Variants in CFAP53 observed in about 807,000 individuals in gnomAD.
The protein encoded by CFAP53 is cilia- and flagella-associated protein 53.
A neutral mutation model predicts 59.7 loss-of-function variants in CFAP53; 62 were observed. The ratio of observed to expected loss-of-function variants is 1.04; its 90% CI spans 0.85 to 1.28. The LOEUF (loss-of-function observed/expected upper bound fraction) is 1.28, where lower values mean the gene tolerates loss of function less well. Ranked by LOEUF, CFAP53 falls within the 50% of genes most tolerant of loss-of-function variation. The pLI is 0.00. For synonymous variants in CFAP53, 218 were observed against 205.7 expected, an observed-to-expected ratio of 1.06 and a Z score of -0.51; for missense variants, 629 against 615.6, an observed-to-expected ratio of 1.02 and a Z score of -0.23.
chr18:50,250,200 CA>C (rs2033783777), intron 5 of CFAP53, among the ~76,000 whole-genome samples: 4 of 46,984 alleles, frequency 8.5e-5, no homozygotes, highest in African/African-American at 2.4e-4. Flanking sequence ...GCCTGGGTTA[CA>C]GCGTGAGACC....
At chr18:50,240,342 C>CCTCA (rs2033679108) in intron 6 of CFAP53, among the ~76,000 whole-genome samples, 1 of 152,210 alleles carries the variant, frequency 6.6e-6, no homozygotes, top group South Asian at 2.1e-4. Flanking sequence ...TTCCAATTAC[C>CCTCA]TGCTCTGCCC....
intron 5 of CFAP53, among the ~76,000 whole-genome samples, chr18:50,247,325 G>C (rs1474580942): frequency 6.6e-6 from 1 of 152,024 alleles, no homozygotes; most frequent in Non-Finnish European, 1.5e-5. Context: ...GTGAGCATGT[G>C]GATAAATCAA....
At chr18:50,240,688 C>T (rs1345195712) in intron 6 of CFAP53, among the ~76,000 whole-genome samples, 1 of 152,216 alleles carries the variant, frequency 6.6e-6, no homozygotes, top group Non-Finnish European at 1.5e-5. Flanking sequence ...ATATAAAAAT[C>T]TTTTCAGCAT....
chr18:50,261,138 T>A lies in CFAP53; in HGVS notation c.399A>T (p.Lys133Asn), dbSNP rs199822464. 5.9e-5 allele frequency: 94 copies of A among 1,599,460 alleles called. No homozygotes were observed. The highest frequency in any genetic ancestry group is 2.4e-4 in the South Asian group (21 of 86,278). ...CATTCTTCTCTTTTAGTAATTTAGT[T>A]TTCTCTCTCATCCTATCTTTTTTCT... ...IEEKKDRMRE[K>N]TKLLKEKNEK... Residue 133 changes from lysine (K) to asparagine (N), a missense_variant, in exon 3 of 8, where the codon AAA becomes AAT. Coordinates refer to ENST00000398545, the MANE Select transcript of CFAP53 (RefSeq NM_145020.5).
At position 50,243,055 on chromosome 18, in the gene CFAP53, T is replaced by C. The variant is rs768060197; in HGVS notation, c.1058A>G (p.Glu353Gly). The change falls in exon 6 of 8, where the codon GAA (glutamate) becomes GGA (glycine). Residue 353 changes from glutamate to glycine, a missense_variant. Glu to Gly is a moderately conservative substitution (Grantham distance 98). Transcript: ENST00000398545. ...GTCAAATTCTTTCTCCTGAGCTTTT[T>C]CTTCCTCACGTCTCTGTGCCAAATA... ...HKYLAQRREE[E>G]KAQEKEFDRI... 3.1e-6 allele frequency: 5 copies of C among 1,613,890 alleles called. No individual in the cohort carries two copies. The highest frequency in any genetic ancestry group is 2.2e-5 in the South Asian group (2 of 91,086).
chr18:50,230,935 T>C (rs2033577986), intron 7 of CFAP53, among the ~76,000 whole-genome samples: 1 of 152,178 alleles, frequency 6.6e-6, no homozygotes, highest in African/African-American at 2.4e-5. Context: ...CCTCCCCATA[T>C]GTGTATCCTA....
chr18:50,262,750 A>G (rs1400124639), intron 1 of CFAP53, among the ~76,000 whole-genome samples: 6 of 152,172 alleles, frequency 3.9e-5, no homozygotes, highest in Admixed American at 3.3e-4. Context: ...GTGTGTGTGT[A>G]TATATATGTG....
In CFAP53 at chr18:50,242,118, C is replaced by T. The variant is rs557298607; in HGVS notation, c.1213+782G>A. ...AAGAAAAACATGGCTCTATTCTGCC[C>T]GACCCCGCAGGCAGTCAGACCTTAT... On this transcript the variant is annotated intron_variant, in intron 6 of 7. Transcript: ENST00000398545. Among the ~76,000 whole-genome samples, 19 of 152,302 alleles carry T rather than the reference C, an allele frequency of 1.2e-4. 1 individual carries two copies. In the South Asian group the frequency reaches 3.9e-3, roughly 32 times the overall value.
At chr18:50,227,955 C>CTTTTTT (rs1191228047) in intron 7 of CFAP53, among the ~76,000 whole-genome samples, 45,167 of 90,020 alleles carry the variant, frequency 0.5, 13,274 homozygotes, top group East Asian at 0.59. Context: ...AACTTTTCTC[C>CTTTTTT]TTTTTTTTTT....
intron 1 of CFAP53, among the ~76,000 whole-genome samples, 180 bp from the exon 2 acceptor site, chr18:50,262,399 C>T (rs891004788): frequency 2.0e-5 from 3 of 152,138 alleles, no homozygotes; most frequent in Non-Finnish European, 4.4e-5. Flanking sequence ...ATTCTCTGAG[C>T]CTATACCTAA....
chr18:50,255,101 C>T (rs1482099075), intron 3 of CFAP53, among the ~76,000 whole-genome samples: 1 of 152,208 alleles, frequency 6.6e-6, no homozygotes, highest in East Asian at 1.9e-4. Context: ...TGGAATACTA[C>T]TCAGCAATAA....
chr18:50,247,516 T>C (rs1239226308), intron 5 of CFAP53, among the ~76,000 whole-genome samples: 2 of 152,238 alleles, frequency 1.3e-5, no homozygotes, highest in Non-Finnish European at 2.9e-5. Context: ...TGAATGTTCA[T>C]AGTAGCATTA....
rs1325407107 is a variant in CFAP53 at position 50,243,130 on chromosome 18, A to C, written c.997-14T>G. 2 of 1,590,816 alleles carry C rather than the reference A, an allele frequency of 1.3e-6. No individual in the cohort carries two copies. The highest frequency in any genetic ancestry group is 1.7e-6 in the Non-Finnish European group (2 of 1,163,198). The stretch of plus-strand genomic sequence containing the variant: ...TATCATATCTTCCTATGTAACATAA[A>C]AATTCATATTGTTAAAATTTTTTGG... On this transcript the variant is annotated splice_polypyrimidine_tract_variant and intron_variant, in intron 5 of 7. Transcript: ENST00000398545.
chr18:50,227,541 T>C lies in CFAP53; in HGVS notation c.1385A>G (p.Gln462Arg). 6.2e-7 allele frequency: 1 copy of C among 1,614,210 alleles called. No individual in the cohort carries two copies. Among genetic ancestry groups the C allele is most frequent in the Non-Finnish European group, 8.5e-7 (1 of 1,180,038 alleles). ...QMQIAYQQQS[Q>R]EAEKEEKRRE... Reference sequence around the variant, plus strand: ...GCGTTTCTCTTCCTTCTCTGCTTCTTGGGACTGCTGCTGGTAGGCGATTTG... The same window carrying C: ...GCGTTTCTCTTCCTTCTCTGCTTCTCGGGACTGCTGCTGGTAGGCGATTTG... The change falls in exon 8 of 8, where the codon CAA (glutamine) becomes CGA (arginine). Residue 462 changes from glutamine to arginine, a missense_variant. Coordinates refer to ENST00000398545, the MANE Select transcript of CFAP53 (RefSeq NM_145020.5).
intron 6 of CFAP53, among the ~76,000 whole-genome samples, chr18:50,239,907 AT>A (rs1352619002): frequency 6.6e-6 from 1 of 152,134 alleles, no homozygotes; most frequent in Non-Finnish European, 1.5e-5. Flanking sequence ...GTCTCAATAA[AT>A]TTTCCATGTT....
At chr18:50,237,656 G>T (rs950428930) in intron 7 of CFAP53, among the ~76,000 whole-genome samples, 14 of 152,042 alleles carry the variant, frequency 9.2e-5, no homozygotes, top group African/African-American at 3.1e-4. Context: ...TACACTGGCT[G>T]CCTGATTTAG....
intron 5 of CFAP53, among the ~76,000 whole-genome samples, chr18:50,250,235 AAAGAGAG>A (rs777129377): frequency 0.023 from 3,210 of 141,730 alleles, 33 homozygotes; most frequent in Non-Finnish European, 0.034. Context: ...AAAAAAAAAA[AAAGAGAG>A]AGAGAGAGAG....
chr18:50,234,787 G>A (rs1050927333), intron 7 of CFAP53, among the ~76,000 whole-genome samples: 43 of 152,232 alleles, frequency 2.8e-4, no homozygotes, highest in Admixed American at 2.8e-3. Context: ...AAACAGAAAC[G>A]GGATTTAATC....
chr18:50,257,543 G>C (rs147397296), intron 3 of CFAP53, among the ~76,000 whole-genome samples: 2 of 152,158 alleles, frequency 1.3e-5, no homozygotes, highest in African/African-American at 4.8e-5. Context: ...AATTACCTAG[G>C]AATTAACCAA....
Sources: gnomAD v4.1 joint callset for allele counts (sites outside exome capture counted in the v4.1 genomes callset) on GRCh38, gnomAD v4.1.1 for gene constraint, MANE v1.5 for transcripts, NCBI Gene and HGNC (gene_info 2026-07-23, HGNC 2026-07-21) for gene names.